The following ERCC6L2 variants were observed in gnomAD, a reference collection of about 807,000 sequenced individuals.
The protein encoded by ERCC6L2 is DNA excision repair protein ERCC-6-like 2.
In ERCC6L2, 77 loss-of-function variants were observed where a neutral mutation model predicts 132.0. The ratio of observed to expected loss-of-function variants is 0.58; its 90% CI spans 0.49 to 0.71. The LOEUF is 0.71. ERCC6L2 is among the 30% of genes least tolerant of loss of function. The pLI is 0.00. For synonymous variants in ERCC6L2, 583 were observed against 632.4 expected, an observed-to-expected ratio of 0.92 and a Z score of 1.17; for missense variants, 1,542 against 1,837.6, an observed-to-expected ratio of 0.84 and a Z score of 2.94.
At chr9:95,987,676 C>T (rs1833146131) in intron 17 of ERCC6L2, among the ~76,000 whole-genome samples, 1 of 152,164 alleles carries the variant, frequency 6.6e-6, no homozygotes, top group South Asian at 2.1e-4. Flanking sequence ...GTGCACAATG[C>T]ATGCTCTCAG....
chr9:95,920,159 CAT>C (rs917494349), intron 6 of ERCC6L2, among the ~76,000 whole-genome samples: 6 of 152,218 alleles, frequency 3.9e-5, no homozygotes, highest in East Asian at 1.9e-4. Context: ...GAAATTACGA[CAT>C]GTTTCTGTAA....
chr9:95,890,874 G>T (rs1828122945), intron 2 of ERCC6L2, among the ~76,000 whole-genome samples: 1 of 152,144 alleles, frequency 6.6e-6, no homozygotes, highest in Non-Finnish European at 1.5e-5. Context: ...TCACCATGCT[G>T]CCCAGGCTGG....
At chr9:95,880,733 A>G (rs948608720) in intron 1 of ERCC6L2, 136 bp from the exon 2 acceptor site, 4 of 651,070 alleles carry the variant, frequency 6.1e-6, no homozygotes, top group South Asian at 2.4e-5. Context: ...ATATCTATAC[A>G]TGTTAGAATT....
At chr9:95,939,280 C>CTG (rs1369365052) in intron 11 of ERCC6L2, among the ~76,000 whole-genome samples, 1 of 149,048 alleles carries the variant, frequency 6.7e-6, no homozygotes, top group Admixed American at 6.7e-5. Flanking sequence ...AAGCCTTATT[C>CTG]TGCTTTTTTT....
chr9:95,977,412 G>C lies in ERCC6L2; in HGVS notation c.3338-649G>C, dbSNP rs144243325. The stretch of plus-strand genomic sequence containing the variant: ...TTGCAGGGAGCTTTTACAGGCCTTG[G>C]TTCTAGCTTTCTCTTTTATGATCAC... On this transcript the variant is annotated intron_variant, in intron 16 of 18. Coordinates refer to ENST00000653738, the MANE Select transcript of ERCC6L2 (RefSeq NM_020207.7). 4.8e-4 allele frequency among the ~76,000 whole-genome samples: 73 copies of C among 152,228 alleles called. No homozygotes were observed. In the East Asian group the frequency reaches 0.013, roughly 28 times the overall value.
At chr9:96,030,355 G>A (rs2133264996) in intron 19 of ERCC6L2, among the ~76,000 whole-genome samples, 1 of 152,186 alleles carries the variant, frequency 6.6e-6, no homozygotes, top group African/African-American at 2.4e-5. Context: ...TGGAAGCTTT[G>A]TTCTTTCACT....
intron 12 of ERCC6L2, among the ~76,000 whole-genome samples, chr9:95,943,192 T>C (rs1343433807): frequency 1.3e-5 from 2 of 152,128 alleles, no homozygotes; most frequent in African/African-American, 4.8e-5. Context: ...CCCTGAAATA[T>C]GAAGGGATGG....
chr9:95,999,442 C>T lies in ERCC6L2; in HGVS notation c.3493-5078C>T, dbSNP rs149854247. ...GAATGTTTGGCAAAAATTAAAGATCCACGTGTCTAATAGCTATGGTTGCAA... is the reference window on the plus strand; with the variant it reads ...GAATGTTTGGCAAAAATTAAAGATCTACGTGTCTAATAGCTATGGTTGCAA... On this transcript the variant is annotated intron_variant, in intron 17 of 18. Coordinates refer to ENST00000653738, the MANE Select transcript of ERCC6L2 (RefSeq NM_020207.7). Among the ~76,000 whole-genome samples the T allele has an allele frequency of 2.7e-3, 414 of 152,122 alleles. 1 individual carries two copies. The highest frequency in any genetic ancestry group is 9.6e-3 in the African/African-American group (396 of 41,460).
chr9:95,877,889 G>A (rs1827371014), intron 1 of ERCC6L2, among the ~76,000 whole-genome samples: 3 of 152,106 alleles, frequency 2.0e-5, no homozygotes, highest in Non-Finnish European at 4.4e-5. Flanking sequence ...TGGTCCTGGG[G>A]ATAAAATTTA....
chr9:96,039,622 G>T (rs892339064), intron 20 of ERCC6L2, among the ~76,000 whole-genome samples: 2 of 152,118 alleles, frequency 1.3e-5, no homozygotes, highest in Admixed American at 1.3e-4. Flanking sequence ...GAGTGGTGGG[G>T]ACTAGAGATT....
chr9:96,025,497 T>C (rs145084207), intron 19 of ERCC6L2, among the ~76,000 whole-genome samples: 55 of 152,288 alleles, frequency 3.6e-4, no homozygotes, highest in Non-Finnish European at 7.1e-4. Flanking sequence ...CTGCCTTTAG[T>C]AGATGGGTGG....
downstream of ERCC6L2, chr9:96,020,820 T>C (rs1834273605): frequency 2.2e-6 from 1 of 456,700 alleles, no homozygotes; most frequent in Non-Finnish European, 4.4e-6. Context: ...TTCTCCAGTC[T>C]CCCTTGGCCG....
chr9:95,876,418 G>A (rs1249878651), intron 1 of ERCC6L2: 4 of 290,948 alleles, frequency 1.4e-5, no homozygotes, highest in Non-Finnish European at 2.5e-5. Context: ...ATGTGACCCC[G>A]CGTGTGGCCC....
chr9:96,036,997 A>G (rs12340954), intron 19 of ERCC6L2, among the ~76,000 whole-genome samples: 36,634 of 150,702 alleles, frequency 0.24, 5,370 homozygotes, highest in East Asian at 0.37. Context: ...CGATCTCCTG[A>G]CCTCGTGATC....
intron 6 of ERCC6L2, chr9:95,918,675 G>A (rs1829716761): frequency 9.8e-6 from 2 of 203,266 alleles, no homozygotes; most frequent in Non-Finnish European, 1.0e-5. Context: ...GGTGGCTGAA[G>A]TGAAGGCTCG....
At chr9:96,021,380 G>C, downstream of ERCC6L2, 1 of 304,382 alleles carries the variant, frequency 3.3e-6, no homozygotes, top group Non-Finnish European at 6.3e-6. The surrounding 1 kb of genome is among the most constrained non-coding windows in gnomAD (Gnocchi z 4.7). Flanking sequence ...GGGAAGCCCA[G>C]TCCCTCCCGG....
chr9:95,947,723 A>G (rs1450728420), intron 12 of ERCC6L2, among the ~76,000 whole-genome samples: 7 of 152,208 alleles, frequency 4.6e-5, no homozygotes, highest in Non-Finnish European at 8.8e-5. Flanking sequence ...GCCAGTGCTC[A>G]TTTACCATTC....
chr9:95,913,469 GCTTTCTCT>G (rs546268860), intron 4 of ERCC6L2, among the ~76,000 whole-genome samples: 71 of 149,432 alleles, frequency 4.8e-4, no homozygotes, highest in African/African-American at 1.6e-3. Flanking sequence ...CCGCTTGCTT[GCTTTCTCT>G]CTTTCTCTCT....
chr9:95,897,214 C>T (rs1333427077), intron 2 of ERCC6L2, among the ~76,000 whole-genome samples: 1 of 152,162 alleles, frequency 6.6e-6, no homozygotes, highest in Non-Finnish European at 1.5e-5. Context: ...CCTTGCCTAA[C>T]TTCACAGAGC....
Sources: allele counts gnomAD v4.1 joint callset (sites outside exome capture counted in the v4.1 genomes callset), GRCh38; gene constraint gnomAD v4.1.1; non-coding constraint Gnocchi (gnomAD v3.1); transcripts MANE v1.5; gene names NCBI Gene and HGNC (gene_info 2026-07-23, HGNC 2026-07-21).